CSMD1: variants seen among roughly 807,000 people sequenced by gnomAD.
The protein encoded by CSMD1 is CUB and Sushi multiple domains 1, also known as CUB and sushi domain-containing protein 1.
In CSMD1, 213 loss-of-function variants were observed where a neutral mutation model predicts 417.5. The ratio of observed to expected loss-of-function variants is 0.51; its 90% CI spans 0.46 to 0.57. The LOEUF (loss-of-function observed/expected upper bound fraction) is 0.57, where lower values mean the gene tolerates loss of function less well. Ranked by LOEUF, CSMD1 falls within the 20% of genes least tolerant of loss-of-function variation. CSMD1 has a pLI of 0.00. For missense variants in CSMD1, 6,923 were observed against 4,529.7 expected (o/e 1.53, Z -15.17); for synonymous variants, 2,862 against 1,736.8 (o/e 1.65, Z -16.11).
chr8:4,100,521 T>A (rs991858430), intron 3 of CSMD1, among the ~76,000 whole-genome samples: 1 of 152,182 alleles, frequency 6.6e-6, no homozygotes, highest in African/African-American at 2.4e-5. Context: ...TAAAAATGGG[T>A]ATCTTATAGA....
chr8:4,758,014 G>C lies in CSMD1; in HGVS notation c.86-120456C>G, dbSNP rs193062864. 2.9e-3 allele frequency among the ~76,000 whole-genome samples: 440 copies of C among 149,728 alleles called. 4 individuals carry two copies. Among genetic ancestry groups the C allele is most frequent in the African/African-American group, 1.0e-2 (407 of 40,744 alleles). On this transcript the variant is annotated intron_variant, in intron 1 of 69. Coordinates refer to ENST00000635120, the MANE Select transcript of CSMD1 (RefSeq NM_033225.6). ...GAAGAAAGCACCACATTATCCTTGAGACAGGATTTACTGCACAAACTCCCT... is the reference window on the plus strand; with the variant it reads ...GAAGAAAGCACCACATTATCCTTGACACAGGATTTACTGCACAAACTCCCT...
intron 1 of CSMD1, among the ~76,000 whole-genome samples, chr8:4,919,865 G>A (rs550733959): frequency 1.3e-5 from 2 of 152,080 alleles, no homozygotes; most frequent in East Asian, 1.9e-4. Context: ...TGTGAAGGGA[G>A]AGCATTCCTT....
chr8:4,980,039 A>T (rs549339883), intron 1 of CSMD1, among the ~76,000 whole-genome samples: 4 of 152,332 alleles, frequency 2.6e-5, no homozygotes, highest in Non-Finnish European at 5.9e-5. Flanking sequence ...TCCATCCCAA[A>T]AAATAAATAA....
At chr8:4,083,516 C>A (rs1459838218) in intron 3 of CSMD1, among the ~76,000 whole-genome samples, 1 of 152,120 alleles carries the variant, frequency 6.6e-6, no homozygotes, top group African/African-American at 2.4e-5. Context: ...GAACAGAACA[C>A]AGCCTGCAGA....
At chr8:3,332,434 C>T (rs902347358) in intron 23 of CSMD1, among the ~76,000 whole-genome samples, 1 of 152,210 alleles carries the variant, frequency 6.6e-6, no homozygotes, top group Non-Finnish European at 1.5e-5. Context: ...GAGGAGGGGC[C>T]TGGAAGGCCA....
intron 16 of CSMD1, among the ~76,000 whole-genome samples, chr8:3,398,639 A>T (rs545793225): frequency 6.6e-6 from 1 of 152,172 alleles, no homozygotes; most frequent in African/African-American, 2.4e-5. Context: ...AGAAAGCCCA[A>T]TGTTATGCAG....
At chr8:4,601,616 C>A (rs978008434) in intron 2 of CSMD1, among the ~76,000 whole-genome samples, 3 of 152,176 alleles carry the variant, frequency 2.0e-5, no homozygotes, top group African/African-American at 7.2e-5. Flanking sequence ...CAGCCTTCAA[C>A]ATTTACAGAT....
chr8:3,649,767 A>G (rs887764122), intron 7 of CSMD1, among the ~76,000 whole-genome samples: 3 of 152,200 alleles, frequency 2.0e-5, no homozygotes, highest in African/African-American at 7.2e-5. Context: ...ATCATCCATA[A>G]TATTAAAATC....
At chr8:4,022,235 C>G (rs1375686500) in intron 4 of CSMD1, among the ~76,000 whole-genome samples, 1 of 148,788 alleles carries the variant, frequency 6.7e-6, no homozygotes, top group Non-Finnish European at 1.5e-5. Flanking sequence ...AAGGTGCTGA[C>G]TATTTTGGTC....
intron 3 of CSMD1, among the ~76,000 whole-genome samples, chr8:4,251,247 A>T (rs1803049014): frequency 6.6e-6 from 1 of 152,188 alleles, no homozygotes; most frequent in South Asian, 2.1e-4. Context: ...TTCCCTCACC[A>T]ATCACATGGG....
At chr8:4,947,188 A>C (rs1808426509) in intron 1 of CSMD1, among the ~76,000 whole-genome samples, 1 of 152,228 alleles carries the variant, frequency 6.6e-6, no homozygotes. Flanking sequence ...ATGTTAACAG[A>C]ATACATTCAC....
chr8:3,509,456 G>C (rs1047176339), intron 10 of CSMD1, among the ~76,000 whole-genome samples: 1 of 152,136 alleles, frequency 6.6e-6, no homozygotes, highest in Non-Finnish European at 1.5e-5. Context: ...TATAGGCAAG[G>C]AGTCTTGCAC....
At chr8:3,509,101 C>G (rs540721473) in intron 10 of CSMD1, among the ~76,000 whole-genome samples, 1 of 152,102 alleles carries the variant, frequency 6.6e-6, no homozygotes, top group Non-Finnish European at 1.5e-5. Flanking sequence ...AAAATTAATG[C>G]GTGCTCAGTA....
intron 12 of CSMD1, among the ~76,000 whole-genome samples, chr8:3,457,538 C>T (rs1358754194): frequency 1.3e-5 from 2 of 152,194 alleles, no homozygotes; most frequent in African/African-American, 4.8e-5. Context: ...CTGGCCGTTC[C>T]TGGCTTAGAG....
chr8:4,655,852 G>GAA (rs1804197245), intron 1 of CSMD1, among the ~76,000 whole-genome samples: 1 of 152,062 alleles, frequency 6.6e-6, no homozygotes, highest in African/African-American at 2.4e-5. Context: ...CACTTACTGA[G>GAA]AAAGAAAAGA....
chr8:4,293,389 T>C (rs1797481655), intron 3 of CSMD1, among the ~76,000 whole-genome samples: 1 of 152,236 alleles, frequency 6.6e-6, no homozygotes, highest in Admixed American at 6.5e-5. Context: ...GAGCAACTCT[T>C]AAGCTCCTGC....
intron 1 of CSMD1, among the ~76,000 whole-genome samples, chr8:4,690,341 C>G (rs566521658): frequency 6.6e-6 from 1 of 152,162 alleles, no homozygotes; most frequent in Non-Finnish European, 1.5e-5. Context: ...ATTAAAACAG[C>G]TACTTCCCTT....
chr8:4,032,203 A>T (rs1245377500), intron 3 of CSMD1, 104 bp from the exon 4 acceptor site: 1 of 744,440 alleles, frequency 1.3e-6, no homozygotes, highest in Non-Finnish European at 2.1e-6. Flanking sequence ...AAAATGAGAA[A>T]ACCTCTAGCA....
intron 2 of CSMD1, among the ~76,000 whole-genome samples, chr8:4,449,391 G>A (rs747396195): frequency 1.3e-5 from 2 of 152,236 alleles, no homozygotes; most frequent in Admixed American, 6.5e-5. Flanking sequence ...TAACATAAGA[G>A]ATACTGTGGC....
Sources: allele counts gnomAD v4.1 joint callset (sites outside exome capture counted in the v4.1 genomes callset), GRCh38; gene constraint gnomAD v4.1.1; transcripts MANE v1.5; gene names NCBI Gene and HGNC (gene_info 2026-07-23, HGNC 2026-07-21).